EPHA4: variants seen among roughly 807,000 people sequenced by gnomAD.
The protein encoded by EPHA4 is EPH receptor A4.
A neutral mutation model predicts 108.3 loss-of-function variants in EPHA4; 19 were observed. The ratio of observed to expected loss-of-function variants is 0.18; its 90% confidence interval spans 0.12 to 0.26. The LOEUF is 0.26. Among genes scored for constraint, EPHA4 ranks in the 10% least tolerant of loss-of-function variants. EPHA4 has a pLI of 1.00. For missense variants in EPHA4, 917 were observed against 1,254.0 expected (o/e 0.73, Z 4.06); for synonymous variants, 449 against 455.5 (o/e 0.99, Z 0.18).
At chr2:221,553,277 C>T (rs115435477) in intron 3 of EPHA4, among the ~76,000 whole-genome samples, 21 of 152,198 alleles carry the variant, frequency 1.4e-4, no homozygotes, top group Admixed American at 3.3e-4. Context: ...TAGTTAGTTG[C>T]GAACGGTTAT....
chr2:221,499,552 C>A (rs1692407672), intron 4 of EPHA4, among the ~76,000 whole-genome samples: 1 of 149,984 alleles, frequency 6.7e-6, no homozygotes, highest in Non-Finnish European at 1.5e-5. Context: ...CCTGGAGACT[C>A]ACTCCACTCA....
chr2:221,518,457 C>T (rs1282021791), intron 3 of EPHA4, among the ~76,000 whole-genome samples: 5 of 152,186 alleles, frequency 3.3e-5, no homozygotes, highest in Non-Finnish European at 5.9e-5. Context: ...GCTGCAAATA[C>T]GCCCATCCTG....
At chr2:221,568,893 A>G in intron 1 of EPHA4, 108 bp from the exon 2 acceptor site, 1 of 764,348 alleles carries the variant, frequency 1.3e-6, no homozygotes, top group South Asian at 2.1e-5. Flanking sequence ...TGCATATCCA[A>G]CACTGATCAA....
intron 3 of EPHA4, among the ~76,000 whole-genome samples, chr2:221,549,415 C>G (rs1694096217): frequency 6.6e-6 from 1 of 152,202 alleles, no homozygotes; most frequent in East Asian, 1.9e-4. Flanking sequence ...GTCTCTCTCT[C>G]TCATTCTTGC....
intron 8 of EPHA4, among the ~76,000 whole-genome samples, chr2:221,448,131 C>A (rs60142557): frequency 6.6e-6 from 1 of 151,726 alleles, no homozygotes. Context: ...CATGAACCAC[C>A]GCACCCAGCC....
intron 3 of EPHA4, among the ~76,000 whole-genome samples, chr2:221,504,039 CT>C (rs1692557226): frequency 6.6e-6 from 1 of 152,174 alleles, no homozygotes; most frequent in African/African-American, 2.4e-5. Flanking sequence ...AACAAAACCC[CT>C]GTGAAAGATG....
intron 8 of EPHA4, among the ~76,000 whole-genome samples, chr2:221,454,115 CGTT>C (rs1214556379): frequency 6.6e-6 from 1 of 151,712 alleles, no homozygotes; most frequent in Non-Finnish European, 1.5e-5. Context: ...AGGAGGCAGA[CGTT>C]GTAGTGACCC....
intron 4 of EPHA4, among the ~76,000 whole-genome samples, chr2:221,486,750 T>TAAC (rs927089443): frequency 4.1e-5 from 6 of 147,196 alleles, no homozygotes; most frequent in African/African-American, 1.2e-4. Flanking sequence ...ATAATAATAA[T>TAAC]AATAATAATA....
intron 5 of EPHA4, among the ~76,000 whole-genome samples, chr2:221,465,341 C>T (rs947413328): frequency 6.6e-6 from 1 of 152,012 alleles, no homozygotes; most frequent in Non-Finnish European, 1.5e-5. Context: ...TGGGAGGGCA[C>T]GTCATTTTCT....
At chr2:221,531,702 C>G (rs188333967) in intron 3 of EPHA4, among the ~76,000 whole-genome samples, 2 of 143,946 alleles carry the variant, frequency 1.4e-5, no homozygotes, top group Admixed American at 1.4e-4. Flanking sequence ...AACAGTTATA[C>G]TCATCTATCT....
chr2:221,446,830 TA>T (rs1033738347), intron 8 of EPHA4, among the ~76,000 whole-genome samples: 1 of 152,160 alleles, frequency 6.6e-6, no homozygotes, highest in African/African-American at 2.4e-5. Flanking sequence ...CCCTAATTTG[TA>T]AAAAAATGAG....
intron 3 of EPHA4, among the ~76,000 whole-genome samples, chr2:221,532,014 A>G (rs1693534872): frequency 6.6e-6 from 1 of 152,242 alleles, no homozygotes; most frequent in Admixed American, 6.5e-5. Flanking sequence ...CCAAGGGAGT[A>G]GCCAGTGCTC....
At chr2:221,448,892 C>T (rs768521559) in intron 8 of EPHA4, among the ~76,000 whole-genome samples, 5 of 152,014 alleles carry the variant, frequency 3.3e-5, no homozygotes, top group Admixed American at 1.3e-4. Context: ...TGAAGCTGCC[C>T]GGGAAAGCGT....
intron 3 of EPHA4, among the ~76,000 whole-genome samples, chr2:221,517,813 T>C (rs922798890): frequency 2.0e-5 from 3 of 152,196 alleles, no homozygotes; most frequent in African/African-American, 7.2e-5. Flanking sequence ...ACAGCTTTGA[T>C]GAGGCTTGGC....
Position 221,545,212 on chromosome 2 carries a change from C to CCGAGGTGGGCGGATCACGAGGT in EPHA4, c.823+18497_823+18518dup, listed in dbSNP as rs11272888. Among the ~76,000 whole-genome samples, 4 of 151,510 alleles carry CCGAGGTGGGCGGATCACGAGGT rather than the reference C, an allele frequency of 2.6e-5. No homozygotes were observed. The South Asian group carries it at 6.3e-4, about 24-fold the overall frequency. On this transcript the variant is annotated intron_variant, in intron 3 of 17. Coordinates refer to ENST00000281821, the MANE Select transcript of EPHA4 (RefSeq NM_004438.5). ...CCTTTAATCCCAGCACTTTGGGAGA[C>CCGAGGTGGGCGGATCACGAGGT]CGAGGTGGGCGGATCACGAGGTCGA... is the stretch of plus-strand genomic sequence containing the variant.
rs368949932 is a variant in EPHA4, at chr2:221,551,632, G to A, written c.823+12099C>T. Among the ~76,000 whole-genome samples the A allele has an allele frequency of 2.2e-4, 33 of 152,204 alleles. 1 individual carries two copies. In the South Asian group the frequency reaches 6.6e-3, roughly 31 times the overall value. The stretch of plus-strand genomic sequence containing the variant: ...GTTGTAGCTCCAACATGTTGTACAA[G>A]AGAATCCCAGAATCATGTATGAAGG... On this transcript the variant is annotated intron_variant, in intron 3 of 17. Transcript: ENST00000281821.
chr2:221,434,402 G>T (rs1690168496), intron 13 of EPHA4, 111 bp from the exon 14 acceptor site: 2 of 1,123,368 alleles, frequency 1.8e-6, no homozygotes, highest in Non-Finnish European at 2.6e-6. Context: ...TCTTGAGATA[G>T]CTCTCAAAAC....
intron 3 of EPHA4, among the ~76,000 whole-genome samples, chr2:221,534,246 A>T (rs1043341881): frequency 6.6e-6 from 1 of 152,326 alleles, no homozygotes; most frequent in Non-Finnish European, 1.5e-5. Flanking sequence ...GTGCAAAAAC[A>T]TGCCTGTAAT....
At chr2:221,560,200 A>T (rs1346710375) in intron 3 of EPHA4, among the ~76,000 whole-genome samples, 1 of 151,716 alleles carries the variant, frequency 6.6e-6, no homozygotes, top group Non-Finnish European at 1.5e-5. Context: ...CCCAAGGAAG[A>T]TGGATGAGGA....
Sources: gnomAD v4.1 joint callset for allele counts (sites outside exome capture counted in the v4.1 genomes callset) on GRCh38, gnomAD v4.1.1 for gene constraint, MANE v1.5 for transcripts, NCBI Gene and HGNC (gene_info 2026-07-23, HGNC 2026-07-21) for gene names.